Variants in CCDC80 observed in about 807,000 individuals in gnomAD.
CCDC80 encodes coiled-coil domain-containing protein 80.
A neutral mutation model predicts 78.7 loss-of-function variants in CCDC80; 49 were observed. That is an observed-to-expected ratio of 0.62 (90% confidence interval 0.50 to 0.79). The LOEUF is 0.79. Among genes scored for constraint, CCDC80 ranks in the 30% least tolerant of loss-of-function variants. The pLI is 0.00. For synonymous variants in CCDC80, 488 were observed against 447.0 expected, an observed-to-expected ratio of 1.09 and a Z score of -1.16; for missense variants, 1,205 against 1,198.6, an observed-to-expected ratio of 1.01 and a Z score of -0.08.
rs758118294 is a variant in CCDC80 at position 112,638,357 on chromosome 3, C to A, written c.1549G>T (p.Ala517Ser). The change falls in exon 2 of 8, where the codon GCC (alanine) becomes TCC (serine). Residue 517 changes from alanine to serine, a missense_variant. Ala to Ser is a moderately conservative substitution (Grantham distance 99). Transcript: ENST00000206423. The part of the protein sequence containing the change: ...EEKYDLSRPT[A>S]SQLEDELQVG... Reference sequence around the variant, plus strand: ...TGCAGCTCGTCCTCCAGCTGAGAGGCAGTAGGCCGGCTGAGGTCATACTTC... The same window carrying A: ...TGCAGCTCGTCCTCCAGCTGAGAGGAAGTAGGCCGGCTGAGGTCATACTTC... The A allele has an allele frequency of 3.1e-6, 5 of 1,614,102 alleles. No individual in the cohort carries two copies. Among genetic ancestry groups the A allele is most frequent in the Non-Finnish European group, 2.5e-6 (3 of 1,180,018 alleles).
At chr3:112,621,410 C>T (rs1935866305) in intron 3 of CCDC80, among the ~76,000 whole-genome samples, 1 of 152,120 alleles carries the variant, frequency 6.6e-6, no homozygotes, top group Non-Finnish European at 1.5e-5. Flanking sequence ...GCGTGCAAGC[C>T]CAGCCAAGAT....
At position 112,618,999 on chromosome 3, in the gene CCDC80, A is replaced by G; in HGVS notation, c.2141T>C (p.Met714Thr). ...EYGMTYNDFF[M>T]VLTDVDLRVK... The stretch of plus-strand genomic sequence containing the variant: ...TCTCAGATCCACATCTGTTAGCACC[A>G]TGAAGAAGTCATTGTAGGTCATTCC... The change falls in exon 4 of 8, where the codon ATG (methionine) becomes ACG (threonine). Residue 714 changes from methionine (M) to threonine (T), a missense_variant. Physicochemically the swap from Met to Thr is moderately conservative, Grantham distance 81. Coordinates refer to ENST00000206423, the MANE Select transcript of CCDC80 (RefSeq NM_199511.3). The G allele has an allele frequency of 6.2e-7, 1 of 1,613,996 alleles. No individual in the cohort carries two copies. The highest frequency in any genetic ancestry group is 1.3e-5 in the African/African-American group (1 of 75,048).
rs1936326515 is a variant in CCDC80, at chr3:112,640,903, C to T, written c.-588G>A. On this transcript the variant is annotated 5_prime_UTR_variant, in exon 1 of 8. Coordinates refer to ENST00000206423, the MANE Select transcript of CCDC80 (RefSeq NM_199511.3). ...TTTTTTTCTTTCACTGTGCTTCTCT[C>T]CTCCCTTTATTTCTCCCTACCTTTT... 6.6e-6 allele frequency: 1 copy of T among 152,114 alleles called. No individual in the cohort carries two copies. The highest frequency in any genetic ancestry group is 6.5e-5 in the Admixed American group (1 of 15,268). The allele number at this position is 152,114 out of a possible 1,614,324, so 9.4% of individuals were successfully genotyped here.
chr3:112,624,017 T>C (rs921526293), intron 3 of CCDC80, among the ~76,000 whole-genome samples: 3 of 152,180 alleles, frequency 2.0e-5, no homozygotes, highest in Admixed American at 2.0e-4. Flanking sequence ...CTGGCACAGT[T>C]CCTAGCATAC....
At chr3:112,612,585 T>C (rs1041903444) in intron 5 of CCDC80, among the ~76,000 whole-genome samples, 3 of 152,196 alleles carry the variant, frequency 2.0e-5, no homozygotes, top group African/African-American at 7.2e-5. Context: ...AGACAAATTG[T>C]TTTTCTGTCA....
chr3:112,622,684 C>T (rs1410189674), intron 3 of CCDC80, among the ~76,000 whole-genome samples: 1 of 152,056 alleles, frequency 6.6e-6, no homozygotes, highest in East Asian at 1.9e-4. Flanking sequence ...GAGATGGAGT[C>T]TTGCTCTGTC....
chr3:112,605,534 G>A lies in CCDC80; in HGVS notation c.2736C>T (p.Arg912=), dbSNP rs200701603. 700 of 1,614,050 alleles carry A rather than the reference G, an allele frequency of 4.3e-4. No individual in the cohort carries two copies. The highest frequency in any genetic ancestry group is 5.6e-4 in the Non-Finnish European group (666 of 1,180,034). ...AGCCTGCATACTCATCTTCTGGGCA[G>A]CGCATCCCCAGTGACTGCTGAATCG... ...EMAIQQSLGM[R]CPEDEYAGYG... The change falls in exon 8 of 8, where the codon CGC becomes CGT. Residue 912 remains arginine, a synonymous_variant. Transcript: ENST00000206423.
rs1306438190 is a variant in CCDC80 at position 112,607,256 on chromosome 3, C to T, written c.2426G>A (p.Gly809Asp). The change falls in exon 7 of 8, where the codon GGT (glycine) becomes GAT (aspartate). Residue 809 changes from glycine (G) to aspartate (D), a missense_variant and splice_region_variant. Transcript: ENST00000206423. ...SALSGQACNF[G>D]LRHITILKLL... is the part of the protein sequence containing the mutation. ...CTTCAGAATGGTTATGTGGCGCAGA[C>T]CTGAGAGAAAAAAGAAAACCATAGG... 1 of 1,610,786 alleles carries T rather than the reference C, an allele frequency of 6.2e-7. No homozygotes were observed. The highest frequency in any genetic ancestry group is 8.5e-7 in the Non-Finnish European group (1 of 1,178,992).
chr3:112,639,208 A>G lies in CCDC80; in HGVS notation c.698T>C (p.Phe233Ser), dbSNP rs1559883196. 6 of 1,614,092 alleles carry G rather than the reference A, an allele frequency of 3.7e-6. No individual in the cohort carries two copies. The highest frequency in any genetic ancestry group is 5.1e-6 in the Non-Finnish European group (6 of 1,180,000). ...CGTCTTCTTCAGCAGCACCATGCCA[A>G]ACTTGCCCTTCTCCAGCTTCAGGAA... ...MSFLKLEKGK[F>S]GMVLLKKTLQ... is the part of the protein sequence containing the mutation. The change falls in exon 2 of 8, where the codon TTT becomes TCT. Residue 233 changes from phenylalanine (F) to serine (S), a missense_variant. By Grantham distance (155) the Phe-to-Ser change is radical (BLOSUM62 -2). Transcript: ENST00000206423.
In CCDC80 at chr3:112,639,266, G is replaced by C. The variant is rs1936286932; in HGVS notation, c.640C>G (p.Leu214Val). 6.2e-7 allele frequency: 1 copy of C among 1,614,026 alleles called. No homozygotes were observed. The highest frequency in any genetic ancestry group is 8.5e-7 in the Non-Finnish European group (1 of 1,180,026). The change falls in exon 2 of 8, where the codon CTG (leucine) becomes GTG (valine). Residue 214 changes from leucine (L) to valine (V), a missense_variant. Transcript: ENST00000206423. ...AGCTTAGGGATGAGGCTAGGGTCCA[G>C]GGGCTGCTCCAGGATCTGGCCCTCG... is the stretch of plus-strand genomic sequence containing the variant. ...TSEGQILEQP[L>V]DPSLIPKLMS...
At chr3:112,635,431 G>C (rs775782178) in intron 2 of CCDC80, among the ~76,000 whole-genome samples, 1 of 152,188 alleles carries the variant, frequency 6.6e-6, no homozygotes, top group African/African-American at 2.4e-5. Flanking sequence ...TTGAATCACT[G>C]AGCTTCCTGA....
At chr3:112,605,862 C>A in intron 7 of CCDC80, 99 bp from the exon 8 acceptor site, 2 of 937,452 alleles carry the variant, frequency 2.1e-6, no homozygotes, top group South Asian at 1.8e-5. Flanking sequence ...TAGGGAGGAC[C>A]CATGAGCCTC....
chr3:112,628,670 A>G (rs1004542044), intron 3 of CCDC80, among the ~76,000 whole-genome samples: 1 of 152,136 alleles, frequency 6.6e-6, no homozygotes, highest in Admixed American at 6.5e-5. Flanking sequence ...TTTTGTTTGT[A>G]TGATCATTAT....
chr3:112,618,894 G>A lies in CCDC80; in HGVS notation c.2172+74C>T, dbSNP rs1935805872. 4 of 1,464,934 alleles carry A rather than the reference G, an allele frequency of 2.7e-6. No individual in the cohort carries two copies. The South Asian group carries it at 4.9e-5, about 18-fold the overall frequency. 90.7% of individuals were successfully genotyped at this position (1,464,934 alleles called of 1,614,324 possible). A position where few individuals can be genotyped will look rare whatever the true frequency, so the allele number is the denominator to read the frequency against. On this transcript the variant is annotated intron_variant, in intron 4 of 7. Coordinates refer to ENST00000206423, the MANE Select transcript of CCDC80 (RefSeq NM_199511.3). ...TTTATGCTTACTCGTACATTGAATG[G>A]ACTGTTTAACAAAACAATTCAGATT...
chr3:112,618,795 C>T (rs931801477), intron 4 of CCDC80, among the ~76,000 whole-genome samples, 173 bp downstream of exon 4: 4 of 152,212 alleles, frequency 2.6e-5, no homozygotes, highest in African/African-American at 9.6e-5. Flanking sequence ...TCAGAGACCA[C>T]ATTTCTGGAT....
intron 3 of CCDC80, among the ~76,000 whole-genome samples, chr3:112,622,702 C>A (rs1935890918): frequency 6.6e-6 from 1 of 152,046 alleles, no homozygotes; most frequent in African/African-American, 2.4e-5. Context: ...GTCACCCAGG[C>A]AGGAGTGCAG....
rs374731935 is a variant in CCDC80 at position 112,605,576 on chromosome 3, A to C, written c.2694T>G (p.Leu898=). ...GCTGAATCGCCATTTCCTGTCTCCG[A>C]AGTTGCATCGAATCAATTAAATCGT... The part of the protein sequence containing the change: ...IVYDLIDSMQ[L]RRQEMAIQQS... The change falls in exon 8 of 8, where the codon CTT becomes CTG. Residue 898 remains leucine, a synonymous_variant. Coordinates refer to ENST00000206423, the MANE Select transcript of CCDC80 (RefSeq NM_199511.3). The C allele has an allele frequency of 1.2e-6, 2 of 1,614,070 alleles. No individual in the cohort carries two copies. The highest frequency in any genetic ancestry group is 1.7e-6 in the Non-Finnish European group (2 of 1,180,048).
intron 2 of CCDC80, among the ~76,000 whole-genome samples, chr3:112,633,818 G>C (rs190916115): frequency 6.6e-6 from 1 of 152,308 alleles, no homozygotes; most frequent in Non-Finnish European, 1.5e-5. Flanking sequence ...ATTTCAGACA[G>C]TGTTTAAAAT....
chr3:112,630,263 T>C lies in CCDC80; in HGVS notation c.1885A>G (p.Thr629Ala), dbSNP rs759249756. 6 of 1,613,724 alleles carry C rather than the reference T, an allele frequency of 3.7e-6. No individual in the cohort carries two copies. Among genetic ancestry groups the C allele is most frequent in the Non-Finnish European group, 1.7e-6 (2 of 1,179,702 alleles). ...ATATTGTTCTCAGCCTTGGGAGCAG[T>C]GATCAGCTGGAGGTGGGTGAAGACA... Reference protein sequence around the residue: ...FEGKRRLLLITAPKAENNMYV... With the variant: ...FEGKRRLLLIAAPKAENNMYV... The change falls in exon 3 of 8, where the codon ACT (threonine) becomes GCT (alanine). Residue 629 changes from threonine (T) to alanine (A), a missense_variant. By Grantham distance (58) the Thr-to-Ala change is moderately conservative. Coordinates refer to ENST00000206423, the MANE Select transcript of CCDC80 (RefSeq NM_199511.3).
Sources: allele counts gnomAD v4.1 joint callset (sites outside exome capture counted in the v4.1 genomes callset), GRCh38; gene constraint gnomAD v4.1.1; transcripts MANE v1.5; gene names NCBI Gene and HGNC (gene_info 2026-07-23, HGNC 2026-07-21).